The following TRAPPC3L variants were observed in gnomAD, a reference collection of about 807,000 sequenced individuals.
TRAPPC3L encodes the protein trafficking protein particle complex subunit 3-like protein.
In TRAPPC3L, 23 loss-of-function variants were observed where a neutral mutation model predicts 23.7. The ratio of observed to expected loss-of-function variants is 0.97; its 90% CI spans 0.70 to 1.37. The LOEUF (loss-of-function observed/expected upper bound fraction) is 1.37. TRAPPC3L is among the 40% of genes most tolerant of loss of function. The probability of loss-of-function intolerance (pLI) is 0.00; values close to 1 mark genes in which losing one functional copy is unlikely to be tolerated. For missense variants in TRAPPC3L, 212 were observed against 216.8 expected (o/e 0.98, Z 0.14); for synonymous variants, 81 against 77.9 (o/e 1.04, Z -0.21).
intron 4 of TRAPPC3L, among the ~76,000 whole-genome samples, chr6:116,499,373 C>T (rs1771879139): frequency 6.6e-6 from 1 of 152,120 alleles, no homozygotes; most frequent in Non-Finnish European, 1.5e-5. Context: ...CAGCATTGTT[C>T]CCTCTGATAT....
chr6:116,535,705 G>T (rs1426538507), intron 3 of TRAPPC3L, among the ~76,000 whole-genome samples: 2 of 152,034 alleles, frequency 1.3e-5, no homozygotes, highest in Non-Finnish European at 2.9e-5. Context: ...AATCAGCTAT[G>T]GTAATTCTAC....
At chr6:116,524,101 T>C (rs1772399149) in intron 3 of TRAPPC3L, 1 of 152,198 alleles carries the variant, frequency 6.6e-6, no homozygotes, top group African/African-American at 2.4e-5. Context: ...GTTCTTCAGT[T>C]AGAGATGTAT....
intron 3 of TRAPPC3L, among the ~76,000 whole-genome samples, chr6:116,515,375 A>G (rs1188931441): frequency 6.6e-6 from 1 of 152,166 alleles, no homozygotes; most frequent in South Asian, 2.1e-4. Context: ...TGCACCAGCA[A>G]TGTTGGGGAG....
chr6:116,538,384 G>A (rs1773224989), intron 3 of TRAPPC3L, among the ~76,000 whole-genome samples: 1 of 152,228 alleles, frequency 6.6e-6, no homozygotes, highest in Non-Finnish European at 1.5e-5. Flanking sequence ...TCTCAGCAAT[G>A]AGGTTGTATA....
chr6:116,542,882 A>T lies in TRAPPC3L; in HGVS notation c.140+421T>A, dbSNP rs535280370. 3.3e-5 allele frequency among the ~76,000 whole-genome samples: 5 copies of T among 152,224 alleles called. No individual in the cohort carries two copies. The East Asian group carries it at 9.6e-4, about 29-fold the overall frequency. On this transcript the variant is annotated intron_variant, in intron 2 of 4. Coordinates refer to ENST00000368602, the MANE Select transcript of TRAPPC3L (RefSeq NM_001139444.3). ...GAAACTACCATTGTGAGTTTCTTGT[A>T]TATCTTTCAATAGATGGTCTGTGGT... is the stretch of plus-strand genomic sequence containing the variant.
At chr6:116,525,452 C>T (rs1405287836) in intron 3 of TRAPPC3L, among the ~76,000 whole-genome samples, 1 of 152,010 alleles carries the variant, frequency 6.6e-6, no homozygotes, top group African/African-American at 2.4e-5. Flanking sequence ...ATAAAAATGA[C>T]AATTGATATA....
chr6:116,516,283 G>A (rs1772222874), intron 3 of TRAPPC3L: 2 of 263,268 alleles, frequency 7.6e-6, no homozygotes, highest in African/African-American at 4.4e-5. Flanking sequence ...TCATGTGAGA[G>A]GGCTCATCAG....
chr6:116,527,860 C>G (rs1772493030), intron 3 of TRAPPC3L, among the ~76,000 whole-genome samples: 1 of 152,192 alleles, frequency 6.6e-6, no homozygotes, highest in African/African-American at 2.4e-5. Flanking sequence ...GGCTTAAAAC[C>G]TAGATGACAG....
intron 4 of TRAPPC3L, 35 bp from the exon 5 acceptor site, chr6:116,497,108 C>T (rs1466079253): frequency 2.0e-6 from 3 of 1,499,182 alleles, no homozygotes; most frequent in Non-Finnish European, 2.6e-6. Context: ...CTGTGTCATT[C>T]AATTAAAAAA....
chr6:116,534,946 T>C (rs1187611303), intron 3 of TRAPPC3L, among the ~76,000 whole-genome samples: 1 of 152,160 alleles, frequency 6.6e-6, no homozygotes, highest in Non-Finnish European at 1.5e-5. Context: ...TAATGTGATA[T>C]TTACACTGAA....
intron 3 of TRAPPC3L, chr6:116,511,757 A>G: frequency 6.2e-7 from 1 of 1,614,042 alleles, no homozygotes; most frequent in African/African-American, 1.3e-5. Flanking sequence ...TATTGGCTAC[A>G]GCTTCATGGC....
At chr6:116,520,252 T>C (rs1265164384) in intron 3 of TRAPPC3L, 1 of 152,198 alleles carries the variant, frequency 6.6e-6, no homozygotes, top group Non-Finnish European at 1.5e-5. Context: ...TGCTACCGCT[T>C]CTCACATGAT....
At chr6:116,517,108 A>G (rs913153876) in intron 3 of TRAPPC3L, 2 of 152,140 alleles carry the variant, frequency 1.3e-5, no homozygotes, top group Non-Finnish European at 2.9e-5. Context: ...GAGCATTTTT[A>G]TAAGGCACTA....
chr6:116,525,598 C>T (rs1409853973), intron 3 of TRAPPC3L, among the ~76,000 whole-genome samples: 1 of 152,136 alleles, frequency 6.6e-6, no homozygotes, highest in East Asian at 1.9e-4. Flanking sequence ...GTACCTACAG[C>T]CACAACAATG....
At chr6:116,506,866 C>G (rs1235439885) in intron 3 of TRAPPC3L, among the ~76,000 whole-genome samples, 2 of 151,894 alleles carry the variant, frequency 1.3e-5, no homozygotes, top group African/African-American at 2.4e-5. Flanking sequence ...ACCTGTCAGG[C>G]TGGGGGGCTG....
intron 3 of TRAPPC3L, among the ~76,000 whole-genome samples, chr6:116,508,004 C>G (rs1015711753): frequency 6.6e-6 from 1 of 152,092 alleles, no homozygotes; most frequent in African/African-American, 2.4e-5. Flanking sequence ...AATACACAGG[C>G]CTGGACTTTG....
At chr6:116,536,869 T>C (rs1773128166) in intron 3 of TRAPPC3L, among the ~76,000 whole-genome samples, 1 of 152,212 alleles carries the variant, frequency 6.6e-6, no homozygotes, top group African/African-American at 2.4e-5. Context: ...CTGTATCATT[T>C]GACATCTGCC....
chr6:116,505,952 G>A (rs933164911), intron 3 of TRAPPC3L, among the ~76,000 whole-genome samples: 1 of 152,124 alleles, frequency 6.6e-6, no homozygotes, highest in African/African-American at 2.4e-5. Flanking sequence ...CAGGACATAG[G>A]CATGGGCAAA....
intron 3 of TRAPPC3L, among the ~76,000 whole-genome samples, chr6:116,538,147 A>G (rs758797037): frequency 3.3e-5 from 5 of 152,192 alleles, no homozygotes. Flanking sequence ...ATTAAAATGA[A>G]TATGTGGAAT....
Sources: allele counts gnomAD v4.1 joint callset (sites outside exome capture counted in the v4.1 genomes callset), GRCh38; gene constraint gnomAD v4.1.1; transcripts MANE v1.5; gene names NCBI Gene and HGNC (gene_info 2026-07-23, HGNC 2026-07-21).